FGF13: variants seen among roughly 807,000 people sequenced by gnomAD.
FGF13 encodes fibroblast growth factor 13, also known as fibroblast growth factor homologous factor 2.
Under a neutral mutation model 19.5 loss-of-function variants are expected in FGF13, and 2 were observed. The observed-to-expected ratio is 0.10, with a 90% CI of 0.04 to 0.32. The LOEUF (loss-of-function observed/expected upper bound fraction) is 0.32. Among genes scored for constraint, FGF13 ranks in the 10% least tolerant of loss-of-function variants. The pLI, the probability that FGF13 is intolerant of heterozygous loss-of-function variation, is 1.00. For missense variants in FGF13, 113 were observed against 192.7 expected (o/e 0.59, Z 2.45); for synonymous variants, 72 against 76.9 (o/e 0.94, Z 0.33).
intron 1 of FGF13, 101 bp from the exon 2 acceptor site, chrX:138,709,029 G>GAA: frequency 2.2e-6 from 1 of 458,938 alleles, no homozygotes; most frequent in Non-Finnish European, 3.7e-6. Context: ...AATCTTAATG[G>GAA]AAAAAGTCAA....
chrX:138,938,872 T>A (rs2091744719), intron 1 of FGF13, among the ~76,000 whole-genome samples: 1 of 111,313 alleles, frequency 9.0e-6, no homozygotes, highest in African/African-American at 3.3e-5. Flanking sequence ...TAGGTACGTT[T>A]CTCATGCAGA....
At chrX:139,062,186 C>T (rs1173991637) in intron 1 of FGF13, among the ~76,000 whole-genome samples, 19 of 111,226 alleles carry the variant, frequency 1.7e-4, no homozygotes, top group Admixed American at 1.6e-3. Context: ...CTAGTAGTTT[C>T]GTGGTTTGGA....
intron 1 of FGF13, among the ~76,000 whole-genome samples, chrX:138,878,224 A>C (rs2091402099): frequency 9.2e-6 from 1 of 108,862 alleles, no homozygotes; most frequent in South Asian, 4.2e-4. Context: ...ATATGTATAC[A>C]TGTGCCATGT....
intron 1 of FGF13, among the ~76,000 whole-genome samples, chrX:139,024,072 T>C (rs1035558210): frequency 9.0e-6 from 1 of 111,020 alleles, no homozygotes; most frequent in African/African-American, 3.3e-5. Context: ...TAAAACAATT[T>C]TTTTTTCCAG....
chrX:138,951,725 C>T (rs954401097), intron 1 of FGF13, among the ~76,000 whole-genome samples: 1 of 111,485 alleles, frequency 9.0e-6, no homozygotes, highest in African/African-American at 3.3e-5. Context: ...ATTTAAAAAA[C>T]TACATATATC....
At chrX:138,675,663 T>A (rs1345633349) in intron 3 of FGF13, among the ~76,000 whole-genome samples, 8 of 111,765 alleles carry the variant, frequency 7.2e-5, no homozygotes, top group African/African-American at 2.6e-4. Flanking sequence ...ACTCCTTTTT[T>A]CACATTGATG....
At chrX:138,639,798 G>A (rs905781290) in intron 3 of FGF13, among the ~76,000 whole-genome samples, 8 of 109,837 alleles carry the variant, frequency 7.3e-5, no homozygotes, top group Non-Finnish European at 1.3e-4. Flanking sequence ...AGAGCATCCT[G>A]GCTAACACAG....
intron 1 of FGF13, among the ~76,000 whole-genome samples, chrX:138,736,199 T>C (rs1010809505): frequency 8.9e-6 from 1 of 111,945 alleles, no homozygotes; most frequent in African/African-American, 3.2e-5. Flanking sequence ...GCTTAGCTGC[T>C]GGGGTGAATT....
chrX:138,922,025 A>G (rs1034020470), intron 1 of FGF13, among the ~76,000 whole-genome samples: 2 of 107,808 alleles, frequency 1.9e-5, no homozygotes, highest in African/African-American at 6.7e-5. Flanking sequence ...CGACCTCTCT[A>G]TCATTGTTTT....
intron 3 of FGF13, among the ~76,000 whole-genome samples, chrX:138,676,891 A>G (rs2089673413): frequency 8.9e-6 from 1 of 112,355 alleles, no homozygotes; most frequent in African/African-American, 3.2e-5. Context: ...TACAAAGCAT[A>G]AATGGTTATA....
chrX:138,755,144 G>C, intron 3 of FGF13, among the ~76,000 whole-genome samples: 1 of 111,915 alleles, frequency 8.9e-6, no homozygotes, highest in Non-Finnish European at 1.9e-5. Context: ...AAATAAACAA[G>C]TAGCCTCAGA....
chrX:138,867,498 G>A (rs1162074537), intron 1 of FGF13, among the ~76,000 whole-genome samples: 1 of 110,803 alleles, frequency 9.0e-6, no homozygotes, highest in African/African-American at 3.3e-5. Context: ...GTTCCACTTG[G>A]TTGGGGAGGC....
intron 1 of FGF13, among the ~76,000 whole-genome samples, chrX:138,905,685 C>T (rs1421702994): frequency 5.3e-5 from 6 of 112,263 alleles, no homozygotes; most frequent in Non-Finnish European, 9.4e-5. Flanking sequence ...AAAAACATGA[C>T]CAGGAAGCCC....
chrX:139,074,249 A>G (rs1001003315), intron 1 of FGF13, among the ~76,000 whole-genome samples: 4 of 112,520 alleles, frequency 3.6e-5, no homozygotes, highest in African/African-American at 1.3e-4. Flanking sequence ...GTAATTTAAT[A>G]CAATTCTGAA....
At chrX:138,762,449 CTG>C (rs1216945762) in intron 3 of FGF13, among the ~76,000 whole-genome samples, 1 of 112,270 alleles carries the variant, frequency 8.9e-6, no homozygotes, top group Non-Finnish European at 1.9e-5. Flanking sequence ...GAGAGGAAGA[CTG>C]TTTAGACAAA....
chrX:138,938,606 A>G (rs2091743495), intron 1 of FGF13, among the ~76,000 whole-genome samples: 1 of 111,298 alleles, frequency 9.0e-6, no homozygotes, highest in Non-Finnish European at 1.9e-5. Flanking sequence ...TTTGCTACTT[A>G]GCCCCTGGCA....
chrX:138,673,996 G>A (rs899101167), intron 3 of FGF13, among the ~76,000 whole-genome samples: 3 of 110,816 alleles, frequency 2.7e-5, no homozygotes, highest in East Asian at 2.9e-4. Context: ...GAGGGGGAGA[G>A]GGAGGCATTC....
chrX:139,135,079 ATTACT>A lies in FGF13; in HGVS notation c.-113+68332_-113+68336del, dbSNP rs1442318136. The stretch of plus-strand genomic sequence containing the variant: ...TTCATTCTTTTTAAATTGTTAATTC[ATTACT>A]TTATTTTTAAAAACTCTTTAATTCA... On this transcript the variant is annotated intron_variant, in intron 1 of 2. Transcript: ENST00000421460. 3.6e-5 allele frequency among the ~76,000 whole-genome samples: 4 copies of A among 112,361 alleles called. No individual in the cohort carries two copies. In the East Asian group the frequency reaches 1.1e-3, roughly 31 times the overall value.
At chrX:138,724,629 C>A (rs534958979) in intron 1 of FGF13, among the ~76,000 whole-genome samples, 1 of 111,667 alleles carries the variant, frequency 9.0e-6, no homozygotes, top group Non-Finnish European at 1.9e-5. Flanking sequence ...GTAAACTAGG[C>A]GAATTGCTGG....
Sources: allele counts gnomAD v4.1 joint callset (sites outside exome capture counted in the v4.1 genomes callset), GRCh38; gene constraint gnomAD v4.1.1; transcripts MANE v1.5; gene names NCBI Gene and HGNC (gene_info 2026-07-23, HGNC 2026-07-21).